Variants in MAN1A1 observed in about 807,000 individuals in gnomAD.
MAN1A1 encodes the protein mannosyl-oligosaccharide 1,2-alpha-mannosidase IA.
Under a neutral mutation model 70.8 loss-of-function variants are expected in MAN1A1, and 29 were observed. The observed-to-expected ratio is 0.41, with a 90% confidence interval of 0.31 to 0.56. MAN1A1 has a LOEUF of 0.56. MAN1A1 is among the 20% of genes least tolerant of loss of function. The pLI is 0.29. For synonymous variants in MAN1A1, 349 were observed against 330.1 expected (o/e 1.06, Z -0.62); for missense variants, 747 against 841.3 (o/e 0.89, Z 1.39).
At chr6:119,283,524 T>A (rs9481898) in intron 5 of MAN1A1, among the ~76,000 whole-genome samples, 1 of 151,338 alleles carries the variant, frequency 6.6e-6, no homozygotes, top group African/African-American at 2.4e-5. Context: ...TATAATAATA[T>A]CGTATGCAGA....
intron 6 of MAN1A1, among the ~76,000 whole-genome samples, chr6:119,245,634 T>C (rs944370635): frequency 3.3e-5 from 5 of 152,082 alleles, no homozygotes; most frequent in Non-Finnish European, 7.4e-5. Context: ...CCAGTGCTTA[T>C]TGTGTGAATT....
chr6:119,252,927 G>C (rs139819905), intron 5 of MAN1A1, among the ~76,000 whole-genome samples: 28 of 152,138 alleles, frequency 1.8e-4, no homozygotes, highest in African/African-American at 6.7e-4. Flanking sequence ...CAACTACATC[G>C]GAAGTTGCCA....
chr6:119,221,520 T>C (rs1322757848), intron 6 of MAN1A1, among the ~76,000 whole-genome samples: 1 of 149,818 alleles, frequency 6.7e-6, no homozygotes, highest in Non-Finnish European at 1.5e-5. Context: ...TCACCCAGGC[T>C]GGATTGCAGT....
intron 2 of MAN1A1, among the ~76,000 whole-genome samples, chr6:119,346,859 C>T (rs1028518644): frequency 6.6e-6 from 1 of 152,194 alleles, no homozygotes; most frequent in African/African-American, 2.4e-5. Flanking sequence ...GAAACACAGG[C>T]AGATACAGAT....
At chr6:119,258,804 G>A (rs758704769) in intron 5 of MAN1A1, among the ~76,000 whole-genome samples, 1 of 152,024 alleles carries the variant, frequency 6.6e-6, no homozygotes, top group Non-Finnish European at 1.5e-5. Context: ...GAATGATCCT[G>A]CCTTTACTCA....
intron 6 of MAN1A1, among the ~76,000 whole-genome samples, chr6:119,233,503 C>T (rs1485844364): frequency 6.6e-6 from 1 of 152,124 alleles, no homozygotes. Flanking sequence ...TATAAACTGT[C>T]AGATGATAAG....
chr6:119,308,599 C>G (rs533052276), intron 2 of MAN1A1, among the ~76,000 whole-genome samples: 2 of 152,192 alleles, frequency 1.3e-5, no homozygotes, highest in South Asian at 4.1e-4. Flanking sequence ...TACTGCTTGA[C>G]AGATGGCAGG....
At chr6:119,206,809 T>G (rs1047034683) in intron 6 of MAN1A1, among the ~76,000 whole-genome samples, 2 of 152,228 alleles carry the variant, frequency 1.3e-5, no homozygotes, top group Non-Finnish European at 2.9e-5. Flanking sequence ...TAAGCCTATT[T>G]AGCAAAACTA....
At chr6:119,315,059 C>T (rs1772813128) in intron 2 of MAN1A1, among the ~76,000 whole-genome samples, 1 of 152,142 alleles carries the variant, frequency 6.6e-6, no homozygotes, top group South Asian at 2.1e-4. Flanking sequence ...CTTCTCTTTC[C>T]TCTTTCTGTA....
At chr6:119,217,528 C>T (rs928962282) in intron 6 of MAN1A1, among the ~76,000 whole-genome samples, 9 of 152,214 alleles carry the variant, frequency 5.9e-5, no homozygotes, top group Non-Finnish European at 1.0e-4. Context: ...GATCTGCCTG[C>T]CTCGGCCTCC....
At chr6:119,314,532 A>G (rs570390420) in intron 2 of MAN1A1, among the ~76,000 whole-genome samples, 1 of 152,174 alleles carries the variant, frequency 6.6e-6, no homozygotes, top group African/African-American at 2.4e-5. Context: ...CTGAGGCCCA[A>G]GGTAGTGTAG....
intron 5 of MAN1A1, among the ~76,000 whole-genome samples, chr6:119,279,375 C>T (rs1181405324): frequency 6.6e-6 from 1 of 152,164 alleles, no homozygotes; most frequent in Non-Finnish European, 1.5e-5. Context: ...CTCTGTGTTA[C>T]CTGGCTACCA....
intron 5 of MAN1A1, among the ~76,000 whole-genome samples, chr6:119,259,384 T>C (rs1775544993): frequency 6.6e-6 from 1 of 152,208 alleles, no homozygotes; most frequent in Non-Finnish European, 1.5e-5. Flanking sequence ...TTAATTACCA[T>C]ATTATGTAGT....
intron 6 of MAN1A1, among the ~76,000 whole-genome samples, chr6:119,239,084 G>A (rs1159948391): frequency 6.6e-6 from 1 of 151,926 alleles, no homozygotes; most frequent in South Asian, 2.1e-4. Flanking sequence ...TAGAGACGGG[G>A]TTTCACCGTG....
At chr6:119,275,043 T>C (rs2114384996) in intron 5 of MAN1A1, among the ~76,000 whole-genome samples, 1 of 152,218 alleles carries the variant, frequency 6.6e-6, no homozygotes, top group East Asian at 1.9e-4. Context: ...TATGGTTTAG[T>C]TTTCATAACT....
intron 5 of MAN1A1, among the ~76,000 whole-genome samples, chr6:119,269,935 A>G (rs1775870283): frequency 6.6e-6 from 1 of 152,186 alleles, no homozygotes; most frequent in African/African-American, 2.4e-5. Context: ...AGCTGTGATT[A>G]CATGCATGCT....
intron 5 of MAN1A1, among the ~76,000 whole-genome samples, chr6:119,285,724 G>A (rs921799457): frequency 1.3e-5 from 2 of 151,578 alleles, no homozygotes; most frequent in Admixed American, 1.3e-4. Context: ...CAGGATAAAT[G>A]TGAGCTCAAT....
At chr6:119,313,270 G>C (rs967053933) in intron 2 of MAN1A1, among the ~76,000 whole-genome samples, 4 of 152,058 alleles carry the variant, frequency 2.6e-5, no homozygotes, top group Non-Finnish European at 4.4e-5. Context: ...CATGCAACAG[G>C]TATCAAGATG....
At chr6:119,318,532 T>C (rs1260543979) in intron 2 of MAN1A1, among the ~76,000 whole-genome samples, 2 of 152,222 alleles carry the variant, frequency 1.3e-5, no homozygotes, top group Non-Finnish European at 2.9e-5. Context: ...TATCTTTGTA[T>C]GTTTCTGTTA....
Sources: gnomAD v4.1 joint callset for allele counts (sites outside exome capture counted in the v4.1 genomes callset) on GRCh38, gnomAD v4.1.1 for gene constraint, MANE v1.5 for transcripts, NCBI Gene and HGNC (gene_info 2026-07-23, HGNC 2026-07-21) for gene names.